ATP10D: variants seen among roughly 807,000 people sequenced by gnomAD.
ATP10D encodes ATPase phospholipid transporting 10D (putative).
Under a neutral mutation model 144.8 loss-of-function variants are expected in ATP10D, and 89 were observed. The observed-to-expected ratio is 0.61, with a 90% confidence interval of 0.52 to 0.73. The LOEUF (loss-of-function observed/expected upper bound fraction) is 0.73. Among genes scored for constraint, ATP10D ranks in the 30% least tolerant of loss-of-function variants. ATP10D has a pLI of 0.00. For synonymous variants in ATP10D, 571 were observed against 615.1 expected, an observed-to-expected ratio of 0.93 and a Z score of 1.06; for missense variants, 1,603 against 1,714.8, an observed-to-expected ratio of 0.93 and a Z score of 1.15.
intron 14 of ATP10D, 21 bp downstream of exon 14, chr4:47,561,096 T>C: frequency 6.2e-7 from 1 of 1,613,322 alleles, no homozygotes; most frequent in Non-Finnish European, 8.5e-7. Context: ...TATGTTTGTA[T>C]TGCCTGAATG....
intron 1 of ATP10D, among the ~76,000 whole-genome samples, chr4:47,505,971 C>G (rs1316976346): frequency 7.9e-5 from 12 of 152,078 alleles, no homozygotes; most frequent in African/African-American, 2.9e-4. Context: ...CTTTGGTAAT[C>G]TGCCCTACTG....
At chr4:47,491,118 CT>C in intron 1 of ATP10D, 1 of 731,724 alleles carries the variant, frequency 1.4e-6, no homozygotes, top group Admixed American at 1.8e-5. Flanking sequence ...TGGCTTTTTT[CT>C]TTTTCTGATC....
At chr4:47,500,340 A>C (rs1292708951) in intron 1 of ATP10D, among the ~76,000 whole-genome samples, 1 of 152,252 alleles carries the variant, frequency 6.6e-6, no homozygotes, top group Non-Finnish European at 1.5e-5. Context: ...CATATGGAGC[A>C]CTGGAGGTGG....
At position 47,535,495 on chromosome 4, in the gene ATP10D, T is replaced by A; in HGVS notation, c.777-14T>A. Reference sequence around the variant, plus strand: ...GCTGTTTAAAAGTGAATTTATATGCTGTCTTTCTTATAGAGAACATTCCAA... The same window carrying A: ...GCTGTTTAAAAGTGAATTTATATGCAGTCTTTCTTATAGAGAACATTCCAA... On this transcript the variant is annotated splice_polypyrimidine_tract_variant and intron_variant, in intron 5 of 22. Transcript: ENST00000273859. 7 of 1,593,318 alleles carry A rather than the reference T, an allele frequency of 4.4e-6. No individual in the cohort carries two copies. The highest frequency in any genetic ancestry group is 6.0e-6 in the Non-Finnish European group (7 of 1,169,772).
intron 18 of ATP10D, among the ~76,000 whole-genome samples, chr4:47,574,665 T>A (rs1448017943): frequency 2.0e-5 from 3 of 152,166 alleles, no homozygotes. Flanking sequence ...AGCAGATAGA[T>A]CACGAGGTCA....
At chr4:47,524,027 A>G (rs1249915874) in intron 4 of ATP10D, among the ~76,000 whole-genome samples, 1 of 152,130 alleles carries the variant, frequency 6.6e-6, no homozygotes, top group Admixed American at 6.5e-5. Context: ...CCTGTGTTCA[A>G]ATGATACTCC....
intron 5 of ATP10D, among the ~76,000 whole-genome samples, chr4:47,535,010 G>A (rs1191593278): frequency 6.6e-6 from 1 of 152,126 alleles, no homozygotes; most frequent in Non-Finnish European, 1.5e-5. Context: ...CATGTCCTTT[G>A]TAGCAATGTG....
intron 15 of ATP10D, among the ~76,000 whole-genome samples, chr4:47,567,407 AT>A (rs1315612377): frequency 6.6e-6 from 1 of 152,216 alleles, no homozygotes; most frequent in Non-Finnish European, 1.5e-5. Flanking sequence ...TAAAACTACA[AT>A]TTAAAATCAT....
chr4:47,536,553 A>T lies in ATP10D; in HGVS notation c.1132A>T (p.Ile378Phe), dbSNP rs964240618. Residue 378 changes from isoleucine to phenylalanine, a missense_variant, in exon 8 of 23, where the codon ATT (isoleucine) becomes TTT (phenylalanine). Ile to Phe is a conservative substitution (Grantham distance 21). Transcript: ENST00000273859. Reference sequence around the variant, plus strand: ...ATTTTATATGTTTTGGACCATGATCATTTTGTTACAGGTAATTTTTTATCA... The same window carrying T: ...ATTTTATATGTTTTGGACCATGATCTTTTTGTTACAGGTAATTTTTTATCA... ...AGFYMFWTMI[I>F]LLQVLIPISL... is the part of the protein sequence containing the mutation. 1.2e-6 allele frequency: 2 copies of T among 1,612,248 alleles called. No homozygotes were observed. Among genetic ancestry groups the T allele is most frequent in the Non-Finnish European group, 1.7e-6 (2 of 1,179,388 alleles).
At chr4:47,525,707 T>G (rs775486273) in intron 5 of ATP10D, 65 bp downstream of exon 5, 2 of 1,325,740 alleles carry the variant, frequency 1.5e-6, no homozygotes, top group Non-Finnish European at 2.2e-6. Flanking sequence ...CGTACTTAAT[T>G]TGATAAAGTG....
intron 1 of ATP10D, among the ~76,000 whole-genome samples, chr4:47,495,667 G>T (rs1715317450): frequency 6.6e-6 from 1 of 151,422 alleles, no homozygotes; most frequent in Admixed American, 6.6e-5. Flanking sequence ...TTGTATACAG[G>T]TCTAAATCAT....
chr4:47,546,649 A>C lies in ATP10D; in HGVS notation c.1422A>C (p.Glu474Asp). ...ENARRLESYQ[E>D]AVSEDEDFID... ...CCAGGAGGTTGGAGTCCTATCAGGA[A>C]GCTGTCTCTGAAGATGAAGATTTTA... The change falls in exon 10 of 23, where the codon GAA (glutamate) becomes GAC (aspartate). Residue 474 changes from glutamate (E) to aspartate (D), a missense_variant. By Grantham distance (45) the Glu-to-Asp change is conservative. Coordinates refer to ENST00000273859, the MANE Select transcript of ATP10D (RefSeq NM_020453.4). The C allele has an allele frequency of 6.2e-7, 1 of 1,614,108 alleles. No homozygotes were observed. Among genetic ancestry groups the C allele is most frequent in the African/African-American group, 1.3e-5 (1 of 75,046 alleles).
chr4:47,566,898 A>T (rs1719666700), intron 15 of ATP10D, among the ~76,000 whole-genome samples: 1 of 152,216 alleles, frequency 6.6e-6, no homozygotes, highest in Admixed American at 6.5e-5. Flanking sequence ...AGCTTATCTA[A>T]CATGGGTAAG....
At chr4:47,539,556 T>C (rs1395345694) in intron 9 of ATP10D, among the ~76,000 whole-genome samples, 1 of 152,212 alleles carries the variant, frequency 6.6e-6, no homozygotes, top group Non-Finnish European at 1.5e-5. Context: ...TTTTTGTCTT[T>C]AAAACAGAAA....
At chr4:47,563,852 AAAAC>A in intron 15 of ATP10D, 87 bp downstream of exon 15, 1 of 1,251,888 alleles carries the variant, frequency 8.0e-7, no homozygotes, top group Non-Finnish European at 1.1e-6. Context: ...GATTAAAAAA[AAAAC>A]AAAACAGCAA....
intron 1 of ATP10D, among the ~76,000 whole-genome samples, chr4:47,505,212 A>T (rs1306373994): frequency 6.6e-6 from 1 of 152,252 alleles, no homozygotes; most frequent in Non-Finnish European, 1.5e-5. Context: ...GAGGTTACAC[A>T]TTCAAAGAAG....
chr4:47,576,834 C>A lies in ATP10D; in HGVS notation c.3428C>A (p.Thr1143Asn). The A allele has an allele frequency of 6.2e-7, 1 of 1,614,164 alleles. No individual in the cohort carries two copies. Among genetic ancestry groups the A allele is most frequent in the African/African-American group, 1.3e-5 (1 of 75,038 alleles). The change falls in exon 19 of 23, where the codon ACT (threonine) becomes AAT (asparagine). Residue 1143 changes from threonine (T) to asparagine (N), a missense_variant. Transcript: ENST00000273859. The stretch of plus-strand genomic sequence containing the variant: ...TGTGGATTTTCAGGAACATCCATGA[C>A]TGATTACTGGGTTTTGATCTTCTTC... ...FFCGFSGTSM[T>N]DYWVLIFFNL...
At chr4:47,579,042 A>G (rs1414861438) in intron 19 of ATP10D, among the ~76,000 whole-genome samples, 1 of 152,206 alleles carries the variant, frequency 6.6e-6, no homozygotes. Flanking sequence ...GGGATGTGAC[A>G]CATGTTTTTC....
chr4:47,498,494 C>T (rs910486094), intron 1 of ATP10D, among the ~76,000 whole-genome samples: 1 of 152,280 alleles, frequency 6.6e-6, no homozygotes, highest in African/African-American at 2.4e-5. Flanking sequence ...GTTACTTTCT[C>T]CAGCAAAATC....
Sources: allele counts gnomAD v4.1 joint callset (sites outside exome capture counted in the v4.1 genomes callset), GRCh38; gene constraint gnomAD v4.1.1; transcripts MANE v1.5; gene names NCBI Gene and HGNC (gene_info 2026-07-23, HGNC 2026-07-21).